TEX11: variants seen among roughly 807,000 people sequenced by gnomAD.
TEX11 encodes testis-expressed protein 11.
In TEX11, 7 loss-of-function variants were observed where a neutral mutation model predicts 84.4. The ratio of observed to expected loss-of-function variants is 0.08; its 90% CI spans 0.05 to 0.16. The LOEUF (loss-of-function observed/expected upper bound fraction) is 0.16, where lower values mean the gene tolerates loss of function less well. Among genes scored for constraint, TEX11 ranks in the 10% least tolerant of loss-of-function variants. The pLI, the probability that TEX11 is intolerant of heterozygous loss-of-function variation, is 1.00. For missense variants in TEX11, 551 were observed against 660.5 expected (o/e 0.83, Z 1.82); for synonymous variants, 264 against 222.8 (o/e 1.18, Z -1.64).
At chrX:70,882,062 A>G (rs1051339287) in intron 2 of TEX11, among the ~76,000 whole-genome samples, 1 of 108,240 alleles carries the variant, frequency 9.2e-6, no homozygotes, top group African/African-American at 3.3e-5. Flanking sequence ...AAAAAAGAAA[A>G]AAGAAACCCT....
intron 19 of TEX11, 84 bp from the exon 20 acceptor site, chrX:70,624,090 G>T: frequency 1.4e-6 from 1 of 711,606 alleles, no homozygotes; most frequent in Non-Finnish European, 2.1e-6. Flanking sequence ...TACTAACCTT[G>T]ATTACTCTGG....
chrX:70,651,352 A>G (rs2089808340), intron 17 of TEX11, 98 bp downstream of exon 17: 4 of 517,780 alleles, frequency 7.7e-6, no homozygotes, highest in Non-Finnish European at 1.2e-5. Context: ...ATTCAATTCT[A>G]TTGTCTTAAA....
intron 28 of TEX11, among the ~76,000 whole-genome samples, chrX:70,536,962 A>C (rs2087967449): frequency 8.9e-6 from 1 of 112,151 alleles, no homozygotes. Context: ...AGACTTATGC[A>C]TTCTTGAAAG....
At chrX:70,841,879 A>G (rs1220033699) in intron 7 of TEX11, among the ~76,000 whole-genome samples, 2 of 112,066 alleles carry the variant, frequency 1.8e-5, no homozygotes, top group African/African-American at 6.5e-5. Context: ...TAGAAAATCT[A>G]GAAGAAATGG....
chrX:70,699,725 T>A (rs746273073), intron 13 of TEX11, among the ~76,000 whole-genome samples: 1 of 111,492 alleles, frequency 9.0e-6, no homozygotes, highest in South Asian at 3.8e-4. Flanking sequence ...ATGCACTGGA[T>A]CTGTTTATGG....
chrX:70,613,093 A>G (rs1195556710), intron 20 of TEX11, among the ~76,000 whole-genome samples: 1 of 112,001 alleles, frequency 8.9e-6, no homozygotes, highest in Non-Finnish European at 1.9e-5. Flanking sequence ...ATACTTCAAA[A>G]GTGAAGGAAA....
chrX:70,627,847 T>C (rs1421080309), intron 18 of TEX11, among the ~76,000 whole-genome samples: 1 of 111,722 alleles, frequency 9.0e-6, no homozygotes, highest in Non-Finnish European at 1.9e-5. Flanking sequence ...TATTTTCTTA[T>C]TGTTTAGAGA....
intron 17 of TEX11, among the ~76,000 whole-genome samples, chrX:70,648,718 TTTTAAC>T (rs1336855833): frequency 1.8e-5 from 2 of 111,494 alleles, no homozygotes; most frequent in Non-Finnish European, 3.8e-5. Context: ...TTTTTTATTG[TTTTAAC>T]TTTAAGTTCT....
chrX:70,732,141 A>T (rs186997399), intron 11 of TEX11, among the ~76,000 whole-genome samples: 222 of 111,765 alleles, frequency 2.0e-3, no homozygotes, highest in Admixed American at 3.7e-3. Flanking sequence ...TTAGGTATTG[A>T]TGGGATGTAT....
chrX:70,513,566 A>T, the TEX11 span, among the ~76,000 whole-genome samples: 420 of 106,551 alleles, frequency 3.9e-3, 18 homozygotes, highest in Middle Eastern at 9.5e-3. Context: ...CACAGGCAGG[A>T]TCATAGTTCA....
chrX:70,745,673 G>A (rs893588682), intron 9 of TEX11, among the ~76,000 whole-genome samples: 1 of 111,930 alleles, frequency 8.9e-6, no homozygotes, highest in East Asian at 2.8e-4. Context: ...GGTGGAGGTC[G>A]CAGTGAGCCA....
chrX:70,843,042 T>A (rs1186229017), intron 7 of TEX11, among the ~76,000 whole-genome samples: 4 of 111,559 alleles, frequency 3.6e-5, no homozygotes. Context: ...ATCGTGAAAA[T>A]GGCCATACTG....
intron 25 of TEX11, among the ~76,000 whole-genome samples, chrX:70,589,905 C>T (rs892917387): frequency 8.9e-6 from 1 of 112,213 alleles, no homozygotes; most frequent in African/African-American, 3.2e-5. Flanking sequence ...TTTTCATTAC[C>T]ATTAGAGCCT....
intron 20 of TEX11, among the ~76,000 whole-genome samples, chrX:70,617,351 TATATATCATTATATATAC>T (rs892645307): frequency 1.2e-4 from 13 of 106,191 alleles, no homozygotes; most frequent in African/African-American, 3.0e-4. Context: ...GTTTTATATA[TATATATCATTATATATAC>T]ATATATATCA....
chrX:70,568,581 G>T (rs1277091929), intron 25 of TEX11, among the ~76,000 whole-genome samples: 2 of 110,625 alleles, frequency 1.8e-5, no homozygotes, highest in Non-Finnish European at 3.8e-5. Context: ...TCCTTCGGGA[G>T]CTCTTTTAGG....
chrX:70,590,258 G>A (rs779060007), intron 25 of TEX11, among the ~76,000 whole-genome samples: 3 of 111,275 alleles, frequency 2.7e-5, no homozygotes, highest in East Asian at 2.8e-4. Context: ...CATAGACTAC[G>A]AGAAGTAAAT....
rs188269263 is a variant in TEX11 at position 70,716,690 on chromosome X, C to T, written c.1004+5928G>A. Among the ~76,000 whole-genome samples, 7 of 111,601 alleles carry T rather than the reference C, an allele frequency of 6.3e-5. No individual in the cohort carries two copies. In the East Asian group the frequency reaches 2.0e-3, roughly 32 times the overall value. On this transcript the variant is annotated intron_variant, in intron 13 of 29. Transcript: ENST00000374333. ...CAAATTTTCCAGGTGCCATCCATCA[C>T]CCCTAGGAAAGGGAATTCCCTGACC...
At chrX:70,692,669 A>G (rs371226729) in intron 13 of TEX11, among the ~76,000 whole-genome samples, 80 of 109,371 alleles carry the variant, frequency 7.3e-4, no homozygotes, top group African/African-American at 2.6e-3. Flanking sequence ...GCGTGTGTGT[A>G]TATATATATG....
chrX:70,697,495 C>A (rs1464826699), intron 13 of TEX11, among the ~76,000 whole-genome samples: 1 of 111,872 alleles, frequency 8.9e-6, no homozygotes, highest in Non-Finnish European at 1.9e-5. Context: ...CACTTTAATG[C>A]CTGTAAATGG....
Sources: gnomAD v4.1 joint callset for allele counts (sites outside exome capture counted in the v4.1 genomes callset) on GRCh38, gnomAD v4.1.1 for gene constraint, MANE v1.5 for transcripts, NCBI Gene and HGNC (gene_info 2026-07-23, HGNC 2026-07-21) for gene names.